CDH18: variants seen among roughly 807,000 people sequenced by gnomAD.
The protein encoded by CDH18 is cadherin-18.
In CDH18, 31 loss-of-function variants were observed where a neutral mutation model predicts 67.9. The ratio of observed to expected loss-of-function variants is 0.46; its 90% CI spans 0.34 to 0.62. The LOEUF (loss-of-function observed/expected upper bound fraction) is 0.62, where lower values mean the gene tolerates loss of function less well. Ranked by LOEUF, CDH18 falls within the 20% of genes least tolerant of loss-of-function variation. The probability of loss-of-function intolerance (pLI) is 0.01; values close to 1 mark genes in which losing one functional copy is unlikely to be tolerated. For missense variants in CDH18, 890 were observed against 975.5 expected (o/e 0.91, Z 1.17); for synonymous variants, 362 against 347.2 (o/e 1.04, Z -0.48).
intron 7 of CDH18, among the ~76,000 whole-genome samples, chr5:19,573,567 C>T (rs547503351): frequency 6.6e-6 from 1 of 152,332 alleles, no homozygotes; most frequent in East Asian, 1.9e-4. Flanking sequence ...CGTAAGCCAC[C>T]ATGCCCGGCC....
intron 1 of CDH18, among the ~76,000 whole-genome samples, chr5:20,490,101 C>A (rs1000559528): frequency 6.6e-6 from 1 of 150,600 alleles, no homozygotes; most frequent in Non-Finnish European, 1.5e-5. Flanking sequence ...ATTAATAATA[C>A]TAATTAATAA....
intron 2 of CDH18, among the ~76,000 whole-genome samples, chr5:20,193,185 G>T (rs1380697274): frequency 6.6e-6 from 1 of 151,664 alleles, no homozygotes; most frequent in African/African-American, 2.4e-5. Context: ...TAACAAAATA[G>T]ACCGCTAGTT....
Position 19,500,435 on chromosome 5 carries a change from GA to G in CDH18, c.1630+2556del, listed in dbSNP as rs151095066. On this transcript the variant is annotated intron_variant, in intron 11 of 12. Transcript: ENST00000382275. The stretch of plus-strand genomic sequence containing the variant: ...ATCATGGAAAATGGATTTAAGAACT[GA>G]GGCTCAGGAGGTTTAGGGGCTGAAT... Among the ~76,000 whole-genome samples, 411 of 152,224 alleles carry G rather than the reference GA, an allele frequency of 2.7e-3. 1 individual carries two copies. Among genetic ancestry groups the G allele is most frequent in the African/African-American group, 9.5e-3 (393 of 41,554 alleles).
At chr5:20,481,411 G>T (rs1012331402) in intron 1 of CDH18, among the ~76,000 whole-genome samples, 8 of 152,016 alleles carry the variant, frequency 5.3e-5, no homozygotes, top group African/African-American at 1.9e-4. Flanking sequence ...TGACCATCCA[G>T]ACAGAAAATC....
chr5:20,481,420 T>C (rs950099197), intron 1 of CDH18, among the ~76,000 whole-genome samples: 4 of 151,654 alleles, frequency 2.6e-5, no homozygotes, highest in African/African-American at 9.7e-5. Flanking sequence ...AGACAGAAAA[T>C]CAACAAAAAC....
intron 2 of CDH18, among the ~76,000 whole-genome samples, chr5:20,038,702 T>C (rs1740121513): frequency 6.6e-6 from 1 of 152,080 alleles, no homozygotes; most frequent in South Asian, 2.1e-4. Flanking sequence ...CTCAAAATAA[T>C]AAGAGCTATT....
intron 1 of CDH18, among the ~76,000 whole-genome samples, chr5:20,433,046 T>C (rs1279734967): frequency 6.7e-6 from 1 of 150,034 alleles, no homozygotes; most frequent in Admixed American, 6.7e-5. Context: ...ATTTAGGCAT[T>C]GTATAATGCC....
chr5:20,030,306 C>T (rs779192478), intron 2 of CDH18, among the ~76,000 whole-genome samples: 10 of 152,084 alleles, frequency 6.6e-5, no homozygotes, highest in Admixed American at 5.9e-4. Context: ...AATCAAATTG[C>T]CATATATAGT....
intron 1 of CDH18, among the ~76,000 whole-genome samples, chr5:20,552,517 C>A (rs955839948): frequency 1.3e-5 from 2 of 152,024 alleles, no homozygotes; most frequent in African/African-American, 4.8e-5. Context: ...AATTTGTTTA[C>A]TTCTTTCTTC....
At chr5:20,024,282 T>C (rs1476279771) in intron 2 of CDH18, among the ~76,000 whole-genome samples, 1 of 152,232 alleles carries the variant, frequency 6.6e-6, no homozygotes, top group Non-Finnish European at 1.5e-5. Context: ...AGCATTGTTC[T>C]CAGCTCTTAT....
At chr5:20,399,719 G>A (rs1364856253) in intron 1 of CDH18, among the ~76,000 whole-genome samples, 1 of 152,132 alleles carries the variant, frequency 6.6e-6, no homozygotes, top group Non-Finnish European at 1.5e-5. Flanking sequence ...AACAATAGTA[G>A]CTGTGAATAA....
intron 2 of CDH18, among the ~76,000 whole-genome samples, chr5:20,026,434 C>A (rs1054845797): frequency 2.0e-5 from 3 of 152,132 alleles, no homozygotes. Context: ...ATTTAGTCAG[C>A]ACATATGTTT....
intron 2 of CDH18, among the ~76,000 whole-genome samples, chr5:20,237,381 A>G (rs1742557109): frequency 6.6e-6 from 1 of 151,946 alleles, no homozygotes; most frequent in South Asian, 2.1e-4. Flanking sequence ...AGAAGAAATA[A>G]AAAGTTATTT....
intron 1 of CDH18, among the ~76,000 whole-genome samples, chr5:20,382,264 AT>A (rs1025017824): frequency 3.9e-4 from 59 of 152,302 alleles, no homozygotes; most frequent in African/African-American, 1.4e-3. Flanking sequence ...GACAACTGGC[AT>A]TTTTCTTAAC....
chr5:19,637,598 G>C (rs1753346444), intron 5 of CDH18, among the ~76,000 whole-genome samples: 1 of 152,142 alleles, frequency 6.6e-6, no homozygotes, highest in Non-Finnish European at 1.5e-5. Context: ...ATCCTGCTAA[G>C]TCAATTTCGC....
At chr5:19,505,533 GT>G (rs1246111204) in intron 10 of CDH18, among the ~76,000 whole-genome samples, 3 of 152,062 alleles carry the variant, frequency 2.0e-5, no homozygotes, top group Non-Finnish European at 2.9e-5. Context: ...ATGAAGCATT[GT>G]TGAATTTTGT....
Position 20,179,011 on chromosome 5 carries a change from A to T in CDH18, c.-518+76433T>A, listed in dbSNP as rs138521890. ...CTAGTGGATATCTTCTCCAGAAGGCAGAAGCCATAGTCTAAACTTAAATAA... is the reference window on the plus strand; with the variant it reads ...CTAGTGGATATCTTCTCCAGAAGGCTGAAGCCATAGTCTAAACTTAAATAA... On this transcript the variant is annotated intron_variant, in intron 2 of 14. Transcript: ENST00000507958. Among the ~76,000 whole-genome samples, 1,349 of 152,298 alleles carry T rather than the reference A, an allele frequency of 8.9e-3. 23 individuals are homozygous for T. The highest frequency in any genetic ancestry group is 0.03 in the African/African-American group (1,238 of 41,578).
At chr5:19,746,047 CTT>C (rs573422677) in intron 4 of CDH18, among the ~76,000 whole-genome samples, 2 of 151,976 alleles carry the variant, frequency 1.3e-5, no homozygotes, top group Non-Finnish European at 2.9e-5. Flanking sequence ...TATATTAAAT[CTT>C]TACTCAATAA....
intron 3 of CDH18, among the ~76,000 whole-genome samples, chr5:19,762,175 G>A (rs186122343): frequency 6.6e-6 from 1 of 152,250 alleles, no homozygotes; most frequent in East Asian, 1.9e-4. Context: ...TCAGGACATA[G>A]GGATGAGCAG....
Sources: gnomAD v4.1 joint callset for allele counts (sites outside exome capture counted in the v4.1 genomes callset) on GRCh38, gnomAD v4.1.1 for gene constraint, MANE v1.5 for transcripts, NCBI Gene and HGNC (gene_info 2026-07-23, HGNC 2026-07-21) for gene names.